The following GRAMD2B variants were observed in gnomAD, a reference collection of about 807,000 sequenced individuals.
GRAMD2B encodes GRAM domain-containing protein 2B.
Under a neutral mutation model 59.2 loss-of-function variants are expected in GRAMD2B, and 41 were observed. That is an observed-to-expected ratio of 0.69 (90% CI 0.54 to 0.90). GRAMD2B has a LOEUF of 0.90. Ranked by LOEUF, GRAMD2B falls within the 40% of genes least tolerant of loss-of-function variation. The probability of loss-of-function intolerance (pLI) is 0.00; values close to 1 mark genes in which losing one functional copy is unlikely to be tolerated. For missense variants in GRAMD2B, 424 were observed against 500.5 expected, an observed-to-expected ratio of 0.85 and a Z score of 1.46; for synonymous variants, 161 against 182.7, an observed-to-expected ratio of 0.88 and a Z score of 0.96.
intron 1 of GRAMD2B, among the ~76,000 whole-genome samples, chr5:126,453,624 C>T (rs1225604730): frequency 6.6e-6 from 1 of 152,216 alleles, no homozygotes; most frequent in African/African-American, 2.4e-5. Flanking sequence ...TATTTTCCAA[C>T]TGTGCTTGGC....
chr5:126,455,287 C>G (rs1225144628), intron 1 of GRAMD2B, among the ~76,000 whole-genome samples: 1 of 152,188 alleles, frequency 6.6e-6, no homozygotes, highest in Non-Finnish European at 1.5e-5. Flanking sequence ...CATTTAATAT[C>G]TTGTCATTTT....
At chr5:126,378,010 A>G (rs1014404400) in intron 1 of GRAMD2B, among the ~76,000 whole-genome samples, 33 of 152,304 alleles carry the variant, frequency 2.2e-4, no homozygotes, top group African/African-American at 7.9e-4. Flanking sequence ...ATATAATTAT[A>G]CCAACCTTAT....
At chr5:126,445,882 C>T (rs1339824364) in intron 1 of GRAMD2B, among the ~76,000 whole-genome samples, 1 of 152,128 alleles carries the variant, frequency 6.6e-6, no homozygotes, top group East Asian at 1.9e-4. Context: ...TTCCTCTCTC[C>T]AGTATAGCCA....
intron 1 of GRAMD2B, among the ~76,000 whole-genome samples, chr5:126,409,253 G>T (rs1758543806): frequency 6.6e-6 from 1 of 152,176 alleles, no homozygotes; most frequent in East Asian, 1.9e-4. Flanking sequence ...GATCCTTGAG[G>T]AATCGCCACA....
At chr5:126,461,562 G>C (rs1288760984) in intron 1 of GRAMD2B, among the ~76,000 whole-genome samples, 1 of 152,210 alleles carries the variant, frequency 6.6e-6, no homozygotes, top group Non-Finnish European at 1.5e-5. Context: ...CACTTTGGGA[G>C]GCCGAAGCAG....
chr5:126,483,274 G>T (rs1772229662), intron 8 of GRAMD2B, among the ~76,000 whole-genome samples, 189 bp from the exon 9 acceptor site: 2 of 152,118 alleles, frequency 1.3e-5, no homozygotes, highest in African/African-American at 4.8e-5. Context: ...AATTTTAACT[G>T]CCTGAAAAAT....
At chr5:126,420,556 T>C (rs1470575582), upstream of GRAMD2B, among the ~76,000 whole-genome samples, 2 of 152,226 alleles carry the variant, frequency 1.3e-5, no homozygotes. Flanking sequence ...CCTTATACCA[T>C]GCACTAAAGA....
intron 1 of GRAMD2B, among the ~76,000 whole-genome samples, chr5:126,444,761 G>A (rs1356320858): frequency 1.3e-5 from 2 of 152,090 alleles, no homozygotes; most frequent in African/African-American, 4.8e-5. Flanking sequence ...ATAGGTAGAC[G>A]GGTGCCATGG....
intron 6 of GRAMD2B, 87 bp downstream of exon 6, chr5:126,477,874 G>A: frequency 3.8e-6 from 3 of 799,588 alleles, no homozygotes; most frequent in South Asian, 2.7e-5. Context: ...CAAGGACCAA[G>A]ACTCCAAACC....
At chr5:126,415,847 C>T (rs1030602656) in intron 1 of GRAMD2B, among the ~76,000 whole-genome samples, 4 of 151,906 alleles carry the variant, frequency 2.6e-5, no homozygotes, top group Non-Finnish European at 5.9e-5. Context: ...TTTAAAAAGA[C>T]GAAAAGTCAG....
chr5:126,408,762 A>G (rs1268324756), intron 1 of GRAMD2B, among the ~76,000 whole-genome samples: 4 of 150,154 alleles, frequency 2.7e-5, no homozygotes, highest in African/African-American at 9.8e-5. Flanking sequence ...ATATGTATAC[A>G]TGTGCCATGC....
Position 126,423,538 on chromosome 5 carries a change from G to T in GRAMD2B, c.-69G>T. The T allele has an allele frequency of 2.5e-6, 4 of 1,569,464 alleles. No homozygotes were observed. Among genetic ancestry groups the T allele is most frequent in the Non-Finnish European group, 3.5e-6 (4 of 1,159,050 alleles). Reference sequence around the variant, plus strand: ...TGCTTGGCCTGCGCACCCGGACCTAGAAGCCGGGACGAGCCGGGGCAGAGC... The same window carrying T: ...TGCTTGGCCTGCGCACCCGGACCTATAAGCCGGGACGAGCCGGGGCAGAGC... On this transcript the variant is annotated 5_prime_UTR_variant, in exon 1 of 14. It introduces an in-frame stop codon into an upstream open reading frame of the 5' UTR. Transcript: ENST00000285689.
intron 11 of GRAMD2B, 100 bp from the exon 12 acceptor site, chr5:126,486,773 A>G (rs988314316): frequency 2.1e-5 from 14 of 659,300 alleles, no homozygotes; most frequent in African/African-American, 7.2e-5. Context: ...ATTTTGGAAA[A>G]TACCTTGCCT....
Position 126,431,623 on chromosome 5 carries a change from G to A in GRAMD2B, c.83+7934G>A, listed in dbSNP as rs142763058. 3.6e-3 allele frequency among the ~76,000 whole-genome samples: 552 copies of A among 152,280 alleles called. 4 individuals are homozygous for A. The highest frequency in any genetic ancestry group is 0.013 in the African/African-American group (528 of 41,562). On this transcript the variant is annotated intron_variant, in intron 1 of 13. Transcript: ENST00000285689. ...GAACAATTCAATAGAGGGCACAATG[G>A]TGATATGACCTGTTTTAAAAGGGAA...
At chr5:126,402,883 G>A (rs370633471) in intron 1 of GRAMD2B, among the ~76,000 whole-genome samples, 1 of 152,052 alleles carries the variant, frequency 6.6e-6, no homozygotes, top group African/African-American at 2.4e-5. Context: ...CTAGGAATCT[G>A]TAGTAAATTC....
At chr5:126,458,592 G>A (rs1766775774) in intron 1 of GRAMD2B, among the ~76,000 whole-genome samples, 1 of 152,126 alleles carries the variant, frequency 6.6e-6, no homozygotes, top group Non-Finnish European at 1.5e-5. Context: ...TTACTCTGGG[G>A]CTCCATAACT....
upstream of GRAMD2B, among the ~76,000 whole-genome samples, chr5:126,418,465 C>T (rs1007721362): frequency 1.3e-5 from 2 of 152,202 alleles, no homozygotes; most frequent in African/African-American, 4.8e-5. Context: ...GCCATCTTGC[C>T]TATTCCTCTG....
intron 1 of GRAMD2B, among the ~76,000 whole-genome samples, chr5:126,464,466 C>T (rs936890402): frequency 1.3e-5 from 2 of 152,280 alleles, no homozygotes; most frequent in South Asian, 2.1e-4. Flanking sequence ...GTGGTTTCCC[C>T]TGCTTCCCAA....
intron 1 of GRAMD2B, among the ~76,000 whole-genome samples, chr5:126,399,528 G>A (rs752475708): frequency 3.7e-4 from 57 of 152,190 alleles, no homozygotes; most frequent in Non-Finnish European, 6.3e-4. Context: ...TGTAAGACAT[G>A]TCTTCCTTCC....
Sources: allele counts gnomAD v4.1 joint callset (sites outside exome capture counted in the v4.1 genomes callset), GRCh38; gene constraint gnomAD v4.1.1; transcripts MANE v1.5; gene names NCBI Gene and HGNC (gene_info 2026-07-23, HGNC 2026-07-21).